Variants in PCDH15 observed in about 807,000 individuals in gnomAD.
PCDH15 encodes the protein protocadherin related 15.
In PCDH15, 129 loss-of-function variants were observed where a neutral mutation model predicts 178.5. The ratio of observed to expected loss-of-function variants is 0.72; its 90% CI spans 0.63 to 0.84. The LOEUF (loss-of-function observed/expected upper bound fraction) is 0.84. Among genes scored for constraint, PCDH15 ranks in the 40% least tolerant of loss-of-function variants. The pLI is 0.00. For synonymous variants in PCDH15, 800 were observed against 732.0 expected (o/e 1.09, Z -1.50); for missense variants, 2,230 against 2,099.9 (o/e 1.06, Z -1.21).
At chr10:54,946,421 A>T (rs1208254330) in intron 2 of PCDH15, among the ~76,000 whole-genome samples, 1 of 151,608 alleles carries the variant, frequency 6.6e-6, no homozygotes, top group African/African-American at 2.4e-5. Flanking sequence ...CAGTGTTAGG[A>T]GTTGGGTTAA....
At chr10:55,282,104 T>G (rs1306546069) in intron 1 of PCDH15, among the ~76,000 whole-genome samples, 1 of 152,166 alleles carries the variant, frequency 6.6e-6, no homozygotes, top group South Asian at 2.1e-4. Context: ...TTCCTCTATT[T>G]GAACTATCAA....
At chr10:54,555,736 C>CAAAAAAAAA (rs869032040) in intron 2 of PCDH15, among the ~76,000 whole-genome samples, 5 of 73,392 alleles carry the variant, frequency 6.8e-5, no homozygotes, top group East Asian at 3.4e-4. Context: ...GACTCTGTCT[C>CAAAAAAAAA]AAAAAAAAAA....
intron 2 of PCDH15, among the ~76,000 whole-genome samples, chr10:55,136,790 C>T (rs990034369): frequency 8.6e-5 from 13 of 152,028 alleles, no homozygotes; most frequent in African/African-American, 2.9e-4. Flanking sequence ...CCAGTTTAAC[C>T]AGTCATCTCT....
At chr10:54,902,168 G>T (rs1954648289) in intron 2 of PCDH15, among the ~76,000 whole-genome samples, 1 of 152,094 alleles carries the variant, frequency 6.6e-6, no homozygotes, top group Non-Finnish European at 1.5e-5. Flanking sequence ...ATATTAAGTT[G>T]TTGGACTTAA....
intron 31 of PCDH15, 32 bp downstream of exon 31, chr10:53,828,533 A>G (rs762299806): frequency 6.6e-7 from 1 of 1,526,652 alleles, no homozygotes; most frequent in South Asian, 1.1e-5. Context: ...CTATTACATG[A>G]AAAGGATGTG....
At chr10:54,078,585 T>C (rs1047102521) in intron 17 of PCDH15, among the ~76,000 whole-genome samples, 2 of 151,352 alleles carry the variant, frequency 1.3e-5, no homozygotes, top group Non-Finnish European at 2.9e-5. Context: ...CATAAGCACC[T>C]GATTGAAAAA....
At chr10:55,537,063 A>T (rs1336377714) in intron 2 of PCDH15, among the ~76,000 whole-genome samples, 1 of 152,116 alleles carries the variant, frequency 6.6e-6, no homozygotes, top group Non-Finnish European at 1.5e-5. Context: ...ATAGCACAGA[A>T]TTTGCACCAT....
At chr10:53,998,062 G>A (rs559934040) in intron 20 of PCDH15, among the ~76,000 whole-genome samples, 2 of 152,088 alleles carry the variant, frequency 1.3e-5, no homozygotes, top group South Asian at 2.1e-4. Context: ...TATATAAATC[G>A]GCTTCTGTGC....
chr10:54,789,938 G>T (rs1204523892), intron 1 of PCDH15, among the ~76,000 whole-genome samples: 1 of 151,826 alleles, frequency 6.6e-6, no homozygotes, highest in African/African-American at 2.4e-5. Context: ...GGTGAGTATG[G>T]ATAACATACA....
At chr10:53,878,322 T>C (rs1465044802) in intron 26 of PCDH15, among the ~76,000 whole-genome samples, 5 of 69,934 alleles carry the variant, frequency 7.1e-5, no homozygotes, top group African/African-American at 1.8e-4. Context: ...ATTCTATATA[T>C]ATAGTCTATA....
chr10:53,823,910 C>A (rs2076490575), intron 32 of PCDH15: 2 of 380,106 alleles, frequency 5.3e-6, no homozygotes, highest in South Asian at 1.9e-5. Flanking sequence ...TGTCTCACAG[C>A]CCAAAAATCA....
intron 8 of PCDH15, among the ~76,000 whole-genome samples, chr10:54,257,403 CTT>C (rs71461225): frequency 2.4e-5 from 3 of 126,018 alleles, no homozygotes; most frequent in East Asian, 2.3e-4. Context: ...GAATTGTCTT[CTT>C]TTTTTTTTTT....
intron 2 of PCDH15, among the ~76,000 whole-genome samples, chr10:54,574,293 C>T (rs1400310705): frequency 1.3e-5 from 2 of 151,058 alleles, no homozygotes; most frequent in Admixed American, 6.6e-5. Flanking sequence ...ATCCCTTCCC[C>T]ATTGCTTGTT....
At chr10:54,958,985 C>A (rs1022067094) in intron 2 of PCDH15, among the ~76,000 whole-genome samples, 5 of 151,836 alleles carry the variant, frequency 3.3e-5, no homozygotes, top group African/African-American at 1.2e-4. Flanking sequence ...ACAAATACAA[C>A]CTTTTAAGGA....
chr10:54,935,587 C>G (rs1301853788), intron 2 of PCDH15, among the ~76,000 whole-genome samples: 1 of 151,992 alleles, frequency 6.6e-6, no homozygotes, highest in Non-Finnish European at 1.5e-5. Context: ...TTTGCTTGCC[C>G]CAAATTACAC....
chr10:54,629,660 A>C (rs953200383), intron 2 of PCDH15, among the ~76,000 whole-genome samples: 4 of 152,128 alleles, frequency 2.6e-5, no homozygotes, highest in Admixed American at 6.6e-5. Flanking sequence ...ATCTGGAAGC[A>C]TACCCCTTGG....
chr10:54,520,552 A>C (rs1339430470), intron 3 of PCDH15, among the ~76,000 whole-genome samples: 1 of 152,170 alleles, frequency 6.6e-6, no homozygotes, highest in African/African-American at 2.4e-5. Flanking sequence ...ATCATTAAAA[A>C]GTCAGGAAAC....
chr10:54,973,789 T>G (rs545148868), intron 2 of PCDH15, among the ~76,000 whole-genome samples: 5 of 152,070 alleles, frequency 3.3e-5, no homozygotes, highest in Non-Finnish European at 5.9e-5. Flanking sequence ...TATCATGGAA[T>G]AAATAACCCA....
rs139802141 is a variant in PCDH15, at chr10:54,135,654, A to G, written c.1785-2647T>C. Among the ~76,000 whole-genome samples, 488 of 152,296 alleles carry G rather than the reference A, an allele frequency of 3.2e-3. 5 individuals carry two copies. Among genetic ancestry groups the G allele is most frequent in the African/African-American group, 0.011 (461 of 41,558 alleles). On this transcript the variant is annotated intron_variant, in intron 14 of 37. Transcript: ENST00000644397. ...GGTCTGTTGTTGATCAAGTTTTTAA[A>G]ACATTTTATGAATCTCCTTCTTTTC...
Sources: gnomAD v4.1 joint callset for allele counts (sites outside exome capture counted in the v4.1 genomes callset) on GRCh38, gnomAD v4.1.1 for gene constraint, MANE v1.5 for transcripts, NCBI Gene and HGNC (gene_info 2026-07-23, HGNC 2026-07-21) for gene names.